NFS1: variants seen among roughly 807,000 people sequenced by gnomAD.
The protein encoded by NFS1 is NFS1 cysteine desulfurase.
In NFS1, 26 loss-of-function variants were observed where a neutral mutation model predicts 57.3. That is an observed-to-expected ratio of 0.45 (90% CI 0.33 to 0.63). The LOEUF (loss-of-function observed/expected upper bound fraction) is 0.63. Among genes scored for constraint, NFS1 ranks in the 20% least tolerant of loss-of-function variants. NFS1 has a pLI of 0.02. For missense variants in NFS1, 505 were observed against 605.8 expected, an observed-to-expected ratio of 0.83 and a Z score of 1.75; for synonymous variants, 209 against 216.3, an observed-to-expected ratio of 0.97 and a Z score of 0.30.
Position 35,680,737 on chromosome 20 carries a change from CT to C in NFS1, c.789del (p.Val265LeufsTer36). ...AAGGAACTCTAGAAGGGGCTGGTACCTTTGGGACCGTAGATTTTGTGACCAC... is the reference window on the plus strand; with the variant it reads ...AAGGAACTCTAGAAGGGGCTGGTACCTTGGGACCGTAGATTTTGTGACCAC... ...SISGHKIYGP[K>X]GVGAIYIRRR... On this transcript the variant is annotated frameshift_variant and splice_region_variant, in exon 7 of 13. Coordinates refer to ENST00000374092, the MANE Select transcript of NFS1 (RefSeq NM_021100.5). LOFTEE classifies it high-confidence loss of function. The C allele has an allele frequency of 6.5e-7, 1 of 1,544,816 alleles. No individual in the cohort carries two copies. Among genetic ancestry groups the C allele is most frequent in the Non-Finnish European group, 8.7e-7 (1 of 1,146,786 alleles).
Position 35,690,454 on chromosome 20 carries a change from T to C in NFS1, c.520A>G (p.Thr174Ala). The change falls in exon 5 of 13, where the codon ACC becomes GCC. Residue 174 changes from threonine (T) to alanine (A), a missense_variant. Coordinates refer to ENST00000374092, the MANE Select transcript of NFS1 (RefSeq NM_021100.5). The stretch of plus-strand genomic sequence containing the variant: ...CCACTCTTCTGCACTGGGAGGTAGG[T>C]GACCTGAAAGCCCTCAGCTTCCAGT... The part of the protein sequence containing the change: ...RSLEAEGFQV[T>A]YLPVQKSGII... 7 of 1,613,914 alleles carry C rather than the reference T, an allele frequency of 4.3e-6. No homozygotes were observed. Among genetic ancestry groups the C allele is most frequent in the Non-Finnish European group, 5.9e-6 (7 of 1,180,014 alleles).
At position 35,669,691 on chromosome 20, in the gene NFS1, AAAGAG is replaced by A; in HGVS notation, c.1311-11_1311-7del. 1 of 1,613,962 alleles carries A rather than the reference AAAGAG, an allele frequency of 6.2e-7. No individual in the cohort carries two copies. The highest frequency in any genetic ancestry group is 8.5e-7 in the Non-Finnish European group (1 of 1,179,844). On this transcript the variant is annotated splice_region_variant and splice_polypyrimidine_tract_variant and intron_variant, in intron 12 of 12. Transcript: ENST00000374092. ...GAACCATCTCCCAGAGAGGGCTGCC[AAAGAG>A]AAGAGGCATTAAATGAGTGAGGGCT... is the stretch of plus-strand genomic sequence containing the variant.
chr20:35,699,040 C>T lies in NFS1; in HGVS notation c.97+152G>A, dbSNP rs749841329. ...TGCGCCGGGGTCAACCGTTCGGGGA[C>T]CCGCCTAAGAAAGTTTGAGGGATGT... On this transcript the variant is annotated intron_variant, in intron 1 of 12. Transcript: ENST00000374092. This position sits in a 1 kb window ranked among gnomAD's most constrained non-coding sequence, Gnocchi z 4.4. The T allele has an allele frequency of 7.6e-7, 1 of 1,319,692 alleles. No individual in the cohort carries two copies. Among genetic ancestry groups the T allele is most frequent in the South Asian group, 2.1e-5 (1 of 46,956 alleles). 81.7% of individuals were successfully genotyped at this position (1,319,692 alleles called of 1,614,324 possible).
chr20:35,684,505 C>G (rs2034906450), intron 5 of NFS1, among the ~76,000 whole-genome samples: 1 of 151,526 alleles, frequency 6.6e-6, no homozygotes, highest in Admixed American at 6.6e-5. Context: ...AATCCCAGCA[C>G]TTTGGAAGGC....
At chr20:35,698,741 A>G in intron 1 of NFS1, 151 bp from the exon 2 acceptor site, 1 of 1,416,246 alleles carries the variant, frequency 7.1e-7, no homozygotes. Flanking sequence ...ACAACACCAG[A>G]TACCTGACAC....
chr20:35,680,174 A>G (rs929036086), intron 7 of NFS1, among the ~76,000 whole-genome samples: 1 of 152,144 alleles, frequency 6.6e-6, no homozygotes. Flanking sequence ...GCGTAGTGGC[A>G]GGCGCCTGTA....
At chr20:35,680,291 C>T (rs2034826371) in intron 7 of NFS1, among the ~76,000 whole-genome samples, 1 of 151,466 alleles carries the variant, frequency 6.6e-6, no homozygotes, top group South Asian at 2.1e-4. Context: ...GGCGACTGAG[C>T]GAGACTCCGT....
At chr20:35,678,445 T>G (rs1322201691) in intron 7 of NFS1, among the ~76,000 whole-genome samples, 5 of 151,200 alleles carry the variant, frequency 3.3e-5, no homozygotes, top group Non-Finnish European at 7.4e-5. Context: ...GGAGAATCGC[T>G]TGAACCCGGG....
At chr20:35,683,653 G>A (rs1429279023) in intron 5 of NFS1, among the ~76,000 whole-genome samples, 3 of 150,814 alleles carry the variant, frequency 2.0e-5, no homozygotes, top group Admixed American at 6.6e-5. Flanking sequence ...GGTGGCACGC[G>A]CCCTGTAGTC....
intron 11 of NFS1, among the ~76,000 whole-genome samples, chr20:35,673,192 G>T (rs1601516842): frequency 6.6e-6 from 1 of 152,042 alleles, no homozygotes; most frequent in African/African-American, 2.4e-5. Context: ...GGAGGCTGAG[G>T]CAGGAGAATT....
Position 35,698,519 on chromosome 20 carries a change from G to A in NFS1, c.169C>T (p.Arg57Ter), listed in dbSNP as rs368874682. The change falls in exon 2 of 13, where the codon CGA becomes TGA. Residue 57 changes from arginine to a stop codon, truncating the protein, a stop_gained. Coordinates refer to ENST00000374092, the MANE Select transcript of NFS1 (RefSeq NM_021100.5). LOFTEE classifies it high-confidence loss of function. ...GCTTGCACATCCATATAGAGAGGTC[G>A]CAGCACTGGCCCCACCTCCGGGGCA... The part of the protein sequence containing the change: ...AAAPEVGPVL[R>*]PLYMDVQATT... 3.1e-6 allele frequency: 5 copies of A among 1,613,742 alleles called. No homozygotes were observed. Among genetic ancestry groups the A allele is most frequent in the African/African-American group, 2.7e-5 (2 of 74,914 alleles).
chr20:35,697,680 T>C lies in NFS1; in HGVS notation c.324+4A>G, dbSNP rs200228302. ...TAGAACCTCCTAGACTCCTGTGTACTAACCTGACGAGCACGTTCCATGGCT... is the reference window on the plus strand; with the variant it reads ...TAGAACCTCCTAGACTCCTGTGTACCAACCTGACGAGCACGTTCCATGGCT... On this transcript the variant is annotated splice_donor_region_variant and intron_variant, in intron 3 of 12. Coordinates refer to ENST00000374092, the MANE Select transcript of NFS1 (RefSeq NM_021100.5). The C allele has an allele frequency of 2.5e-6, 4 of 1,607,334 alleles. No homozygotes were observed. The East Asian group carries it at 6.7e-5, about 27-fold the overall frequency.
At chr20:35,698,873 G>C in intron 1 of NFS1, 4 of 1,344,054 alleles carry the variant, frequency 3.0e-6, no homozygotes, top group Non-Finnish European at 3.8e-6. Flanking sequence ...GGAACGTGGA[G>C]CCAGAGTAGG....
At chr20:35,698,800 G>A in intron 1 of NFS1, 1 of 1,384,830 alleles carries the variant, frequency 7.2e-7, no homozygotes, top group East Asian at 2.9e-5. Context: ...TGGAGGGGGT[G>A]TTGAGTTGAT....
chr20:35,691,439 A>T (rs763143001), intron 4 of NFS1, among the ~76,000 whole-genome samples: 1 of 148,258 alleles, frequency 6.7e-6, no homozygotes, highest in African/African-American at 2.5e-5. Flanking sequence ...CATTTATCTC[A>T]TTGAAGAAAA....
intron 10 of NFS1, chr20:35,674,032 A>C: frequency 2.2e-6 from 1 of 457,598 alleles, no homozygotes; most frequent in Non-Finnish European, 4.0e-6. Flanking sequence ...AAGGGCAGCC[A>C]AACACTTAGT....
chr20:35,670,378 CT>C (rs2034633857), intron 12 of NFS1, among the ~76,000 whole-genome samples: 1 of 152,206 alleles, frequency 6.6e-6, no homozygotes, highest in African/African-American at 2.4e-5. Context: ...CAAGCAGAAG[CT>C]TGGATATCTT....
At chr20:35,670,913 A>G (rs2034641945) in intron 12 of NFS1, among the ~76,000 whole-genome samples, 1 of 152,182 alleles carries the variant, frequency 6.6e-6, no homozygotes, top group Non-Finnish European at 1.5e-5. Flanking sequence ...AGGGAAGCAG[A>G]GTATATACCT....
intron 7 of NFS1, among the ~76,000 whole-genome samples, chr20:35,676,874 C>CT (rs1003459838): frequency 1.8e-4 from 26 of 147,934 alleles, no homozygotes; most frequent in South Asian, 2.2e-4. Context: ...TTTTTTTTCC[C>CT]TTTTTTTTTG....
Sources: allele counts gnomAD v4.1 joint callset (sites outside exome capture counted in the v4.1 genomes callset), GRCh38; gene constraint gnomAD v4.1.1; non-coding constraint Gnocchi (gnomAD v3.1); transcripts MANE v1.5; gene names NCBI Gene and HGNC (gene_info 2026-07-23, HGNC 2026-07-21).